HPCAL1: variants seen among roughly 807,000 people sequenced by gnomAD.
HPCAL1 encodes the protein hippocalcin-like protein 1.
HPCAL1 carries 8 observed loss-of-function variants against 17.1 expected under a neutral mutation model. The ratio of observed to expected loss-of-function variants is 0.47; its 90% confidence interval spans 0.27 to 0.84. The LOEUF (loss-of-function observed/expected upper bound fraction) is 0.84. HPCAL1 is among the 40% of genes least tolerant of loss of function. The probability of loss-of-function intolerance (pLI) is 0.13; values close to 1 mark genes in which losing one functional copy is unlikely to be tolerated. For missense variants in HPCAL1, 165 were observed against 271.1 expected (o/e 0.61, Z 2.75); for synonymous variants, 112 against 111.4 (o/e 1.01, Z -0.03).
At position 10,325,605 on chromosome 2, in the gene HPCAL1, G is replaced by A. The variant is rs1663960531; in HGVS notation, c.-111+22428G>A. 2.0e-5 allele frequency among the ~76,000 whole-genome samples: 3 copies of A among 152,198 alleles called. No individual in the cohort carries two copies. The South Asian group carries it at 6.2e-4, about 32-fold the overall frequency. ...CCAGCATCCTGCTAAGCAGGCCCTG[G>A]AGGGCGGTTTCCCTGCTTCCCCACA... On this transcript the variant is annotated intron_variant, in intron 1 of 4. Coordinates refer to ENST00000307845, the MANE Select transcript of HPCAL1 (RefSeq NM_002149.4).
intron 1 of HPCAL1, among the ~76,000 whole-genome samples, chr2:10,390,172 G>A (rs1668600153): frequency 1.3e-5 from 2 of 152,284 alleles, no homozygotes; most frequent in South Asian, 4.1e-4. Flanking sequence ...GTGTTGGGTG[G>A]TCTTTCCAGA....
At chr2:10,409,085 T>C (rs1670163685) in intron 2 of HPCAL1, among the ~76,000 whole-genome samples, 1 of 152,072 alleles carries the variant, frequency 6.6e-6, no homozygotes, top group Non-Finnish European at 1.5e-5. Flanking sequence ...TTTTATGTTG[T>C]TTTTTTTCAT....
intron 1 of HPCAL1, among the ~76,000 whole-genome samples, chr2:10,380,399 C>G (rs2125536348): frequency 6.6e-6 from 1 of 152,150 alleles, no homozygotes; most frequent in East Asian, 1.9e-4. Context: ...GTGTGCGCTG[C>G]TTGTGTTGTT....
intron 2 of HPCAL1, among the ~76,000 whole-genome samples, chr2:10,399,619 C>T (rs2125587401): frequency 6.6e-6 from 1 of 151,304 alleles, no homozygotes; most frequent in African/African-American, 2.4e-5. Context: ...AGTTGAGGGA[C>T]TCTGGGATCA....
At chr2:10,412,550 AC>A (rs1158049410) in intron 2 of HPCAL1, among the ~76,000 whole-genome samples, 1 of 152,110 alleles carries the variant, frequency 6.6e-6, no homozygotes, top group Non-Finnish European at 1.5e-5. Context: ...TGTGGTCATC[AC>A]TCTGGCCACA....
At chr2:10,373,566 G>C (rs1572745967) in intron 1 of HPCAL1, among the ~76,000 whole-genome samples, 3 of 152,156 alleles carry the variant, frequency 2.0e-5, no homozygotes, top group Admixed American at 2.0e-4. Context: ...TGTCCCCTGG[G>C]CTGAGGTTTT....
In HPCAL1 at chr2:10,404,448, G is replaced by A. The variant is rs190652682; in HGVS notation, c.-25+7528G>A. Among the ~76,000 whole-genome samples, 843 of 152,328 alleles carry A rather than the reference G, an allele frequency of 5.5e-3. 9 individuals are homozygous for A. Among genetic ancestry groups the A allele is most frequent in the Non-Finnish European group, 7.7e-3 (523 of 68,030 alleles). Reference sequence around the variant, plus strand: ...TCTGGGACCATCTCCTACATTGTCTGCAAAATCCTGCAGAAAGCCTGGCCT... The same window carrying A: ...TCTGGGACCATCTCCTACATTGTCTACAAAATCCTGCAGAAAGCCTGGCCT... On this transcript the variant is annotated intron_variant, in intron 2 of 4. Transcript: ENST00000307845.
chr2:10,324,868 G>A (rs1179230789), intron 1 of HPCAL1, among the ~76,000 whole-genome samples: 4 of 129,756 alleles, frequency 3.1e-5, no homozygotes, highest in African/African-American at 1.2e-4. Flanking sequence ...TGTCACCCAG[G>A]CTGGAGTGCA....
rs566789486 is a variant in HPCAL1 at position 10,359,668 on chromosome 2, G to A, written c.-110-37167G>A. Among the ~76,000 whole-genome samples, 6 of 152,200 alleles carry A rather than the reference G, an allele frequency of 3.9e-5. No individual in the cohort carries two copies. The highest frequency in any genetic ancestry group is 1.9e-4 in the East Asian group (1 of 5,188). On this transcript the variant is annotated intron_variant, in intron 1 of 4. Transcript: ENST00000307845. This position sits in a 1 kb window ranked among gnomAD's most constrained non-coding sequence, Gnocchi z 4.1. ...CTTCCAGGCCCACTCAGTGGCTGGC[G>A]GTCCCACCTCCAAATGCAGGCAGAC...
chr2:10,333,592 C>G (rs530753102), intron 1 of HPCAL1, among the ~76,000 whole-genome samples: 1 of 152,258 alleles, frequency 6.6e-6, no homozygotes, highest in South Asian at 2.1e-4. Context: ...AGCTGGTGTG[C>G]TTTGGTGTTC....
At chr2:10,341,898 G>A (rs543753404) in intron 1 of HPCAL1, among the ~76,000 whole-genome samples, 16 of 152,148 alleles carry the variant, frequency 1.1e-4, no homozygotes, top group Non-Finnish European at 1.9e-4. Context: ...TGGCTCACAC[G>A]TGTAATCCCA....
chr2:10,427,152 C>T lies in HPCAL1; in HGVS notation c.*331C>T, dbSNP rs538222805. 1 of 284,610 alleles carries T rather than the reference C, an allele frequency of 3.5e-6. No individual in the cohort carries two copies. Among genetic ancestry groups the T allele is most frequent in the African/African-American group, 2.2e-5 (1 of 45,944 alleles). The allele number at this position is 284,610 out of a possible 1,614,324, so 17.6% of individuals were successfully genotyped here. On this transcript the variant is annotated 3_prime_UTR_variant, in exon 5 of 5. Coordinates refer to ENST00000307845, the MANE Select transcript of HPCAL1 (RefSeq NM_002149.4). The stretch of plus-strand genomic sequence containing the variant: ...GGAGACCAGGCAGGACCTCCCGAGG[C>T]TGCGCCCCGGCCGGCCCATGCGTTT...
chr2:10,413,691 T>C (rs779651917), intron 2 of HPCAL1, among the ~76,000 whole-genome samples: 4 of 152,252 alleles, frequency 2.6e-5, no homozygotes, highest in Non-Finnish European at 4.4e-5. Flanking sequence ...GGTACCTCCC[T>C]TTCTATACGC....
At chr2:10,309,914 G>T (rs1354506236) in intron 1 of HPCAL1, among the ~76,000 whole-genome samples, 1 of 152,180 alleles carries the variant, frequency 6.6e-6, no homozygotes, top group Non-Finnish European at 1.5e-5. Context: ...TCTCATGGTG[G>T]ACAGAAACCA....
intron 3 of HPCAL1, 74 bp downstream of exon 3, chr2:10,420,209 CTT>C (rs369044166): frequency 0.04 from 22,470 of 556,694 alleles, no homozygotes; most frequent in Middle Eastern, 0.058. Context: ...CAGCCCAGGG[CTT>C]TTTTTTTTTT....
At chr2:10,418,268 A>C (rs936930296) in intron 2 of HPCAL1, among the ~76,000 whole-genome samples, 27 of 143,788 alleles carry the variant, frequency 1.9e-4, no homozygotes, top group African/African-American at 5.7e-4. Flanking sequence ...AAAATACATA[A>C]ATAAATAAAT....
At chr2:10,332,774 A>G (rs940457457) in intron 1 of HPCAL1, among the ~76,000 whole-genome samples, 2 of 151,716 alleles carry the variant, frequency 1.3e-5, no homozygotes, top group African/African-American at 4.8e-5. Context: ...TTCTTGCCAA[A>G]GGCAGGGGGG....
chr2:10,424,993 A>C (rs1572877755), intron 4 of HPCAL1: 2 of 201,804 alleles, frequency 9.9e-6, no homozygotes, highest in South Asian at 8.4e-5. Flanking sequence ...GTGCTCAGCA[A>C]CCCCCTCGCC....
intron 1 of HPCAL1, among the ~76,000 whole-genome samples, chr2:10,366,365 A>G (rs1270961171): frequency 1.3e-5 from 2 of 151,970 alleles, no homozygotes; most frequent in Non-Finnish European, 2.9e-5. Context: ...CCTCCTGAGT[A>G]TCTGGGACTA....
Sources: gnomAD v4.1 joint callset for allele counts (sites outside exome capture counted in the v4.1 genomes callset) on GRCh38, gnomAD v4.1.1 for gene constraint, Gnocchi (gnomAD v3.1) non-coding constraint, MANE v1.5 for transcripts, NCBI Gene and HGNC (gene_info 2026-07-23, HGNC 2026-07-21) for gene names.